Variants in ZSCAN5A observed in about 807,000 individuals in gnomAD.
ZSCAN5A encodes zinc finger and SCAN domain-containing protein 5A.
Under a neutral mutation model 23.7 loss-of-function variants are expected in ZSCAN5A, and 12 were observed. That is an observed-to-expected ratio of 0.51 (90% CI 0.32 to 0.82). The LOEUF (loss-of-function observed/expected upper bound fraction) is 0.82, where lower values mean the gene tolerates loss of function less well. Among genes scored for constraint, ZSCAN5A ranks in the 40% least tolerant of loss-of-function variants. The pLI is 0.03. For synonymous variants in ZSCAN5A, 257 were observed against 239.9 expected (o/e 1.07, Z -0.66); for missense variants, 597 against 617.9 (o/e 0.97, Z 0.36).
At position 56,228,373 on chromosome 19, in the gene ZSCAN5A, G is replaced by A. The variant is rs2034164428; in HGVS notation, c.-127-3200C>T. The A allele has an allele frequency of 4.1e-5, 40 of 985,278 alleles. 1 individual carries two copies. Among genetic ancestry groups the A allele is most frequent in the Non-Finnish European group, 4.8e-5 (40 of 829,916 alleles). The allele number at this position is 985,278 out of a possible 1,614,324, so 61.0% of individuals were successfully genotyped here. ...CCAGGCCGCGTTTCCGGTTCCCTGCGCCGCCCCGTGATTGGTTTAGGGCCA... is the reference window on the plus strand; with the variant it reads ...CCAGGCCGCGTTTCCGGTTCCCTGCACCGCCCCGTGATTGGTTTAGGGCCA... On this transcript the variant is annotated intron_variant, in intron 2 of 5. Coordinates refer to ENST00000683990, the MANE Select transcript of ZSCAN5A (RefSeq NM_001322064.3).
At chr19:56,222,365 C>T in intron 5 of ZSCAN5A, 39 bp from the exon 6 acceptor site, 1 of 1,599,416 alleles carries the variant, frequency 6.3e-7, no homozygotes, top group East Asian at 2.2e-5. Context: ...TAATAAAGCG[C>T]ATTTTCAATA....
chr19:56,328,313 ATTT>A (rs999019987), intron 2 of ZSCAN5A, among the ~76,000 whole-genome samples: 74 of 152,170 alleles, frequency 4.9e-4, no homozygotes, highest in African/African-American at 1.6e-3. Context: ...AAATTTTACT[ATTT>A]TATTATAAAA....
rs536245284 is a variant in ZSCAN5A at position 56,224,942 on chromosome 19, A to G, written c.105T>C (p.Asn35=). 5.6e-6 allele frequency: 9 copies of G among 1,614,164 alleles called. No individual in the cohort carries two copies. In the South Asian group the frequency reaches 9.9e-5, roughly 18 times the overall value. ...GAGAAATCTCAGGGTCCACGTCGTG[A>G]TTTCCAAGTTGAGTTTCTGAGGATG... is the stretch of plus-strand genomic sequence containing the variant. The part of the protein sequence containing the change: ...SMASSETQLG[N]HDVDPEISHV... The change falls in exon 3 of 6, where the codon AAT becomes AAC. Residue 35 remains asparagine, a synonymous_variant. Transcript: ENST00000683990.
Position 56,286,114 on chromosome 19 carries a change from C to T in ZSCAN5A, c.-128+27169G>A, listed in dbSNP as rs564564434. On this transcript the variant is annotated intron_variant, in intron 2 of 5. Coordinates refer to ENST00000683990, the MANE Select transcript of ZSCAN5A (RefSeq NM_001322064.3). ...TCAGCTCATTGCAACCTCCGCCTCC[C>T]GGGTTCAAGCGATTCTCCTGCCTCA... is the stretch of plus-strand genomic sequence containing the variant. Among the ~76,000 whole-genome samples, 522 of 152,218 alleles carry T rather than the reference C, an allele frequency of 3.4e-3. 3 individuals are homozygous for T. Among genetic ancestry groups the T allele is most frequent in the African/African-American group, 0.012 (483 of 41,522 alleles).
At chr19:56,334,177 A>G (rs1019556057) in intron 2 of ZSCAN5A, among the ~76,000 whole-genome samples, 2 of 152,318 alleles carry the variant, frequency 1.3e-5, no homozygotes, top group Admixed American at 6.5e-5. Flanking sequence ...GTGACTAGCC[A>G]TGGAGATCAG....
At chr19:56,224,501 A>T (rs112734217) in intron 3 of ZSCAN5A, 162 bp downstream of exon 3, 53,013 of 1,044,424 alleles carry the variant, frequency 0.051, 2,463 homozygotes, top group East Asian at 0.28. Flanking sequence ...CTGACAACAA[A>T]AACTGTCCCC....
intron 2 of ZSCAN5A, among the ~76,000 whole-genome samples, chr19:56,289,121 C>G (rs1174103030): frequency 6.6e-6 from 1 of 152,098 alleles, no homozygotes; most frequent in Non-Finnish European, 1.5e-5. Context: ...GGAAAGGGAG[C>G]CCTGGTTTGT....
chr19:56,364,325 A>G (rs143646882), intron 1 of ZSCAN5A, among the ~76,000 whole-genome samples: 215 of 152,362 alleles, frequency 1.4e-3, no homozygotes, highest in Middle Eastern at 0.01. Context: ...AAAGTTGAGA[A>G]CTAAATAGGT....
At chr19:56,261,604 TGAGA>T (rs1214290479) in intron 2 of ZSCAN5A, among the ~76,000 whole-genome samples, 4 of 151,104 alleles carry the variant, frequency 2.6e-5, no homozygotes, top group Admixed American at 6.6e-5. Context: ...AGGAGCAAAT[TGAGA>T]GAGAGAGGGA....
chr19:56,312,919 T>C (rs1161187929), intron 2 of ZSCAN5A, among the ~76,000 whole-genome samples: 1 of 152,210 alleles, frequency 6.6e-6, no homozygotes, highest in Non-Finnish European at 1.5e-5. Flanking sequence ...CCTGCAACCA[T>C]AGTTCAGGCA....
At chr19:56,285,316 C>G (rs545500268) in intron 2 of ZSCAN5A, among the ~76,000 whole-genome samples, 2 of 152,348 alleles carry the variant, frequency 1.3e-5, no homozygotes, top group South Asian at 4.1e-4. Context: ...AAATCATTCT[C>G]TTCACCACAT....
intron 2 of ZSCAN5A, among the ~76,000 whole-genome samples, chr19:56,354,113 G>A (rs1349619349): frequency 5.3e-5 from 8 of 152,310 alleles, no homozygotes; most frequent in Admixed American, 3.9e-4. Context: ...AAAGTAGTGT[G>A]GTGGTTGCGA....
At chr19:56,337,805 T>C (rs1233988988) in intron 2 of ZSCAN5A, among the ~76,000 whole-genome samples, 3 of 152,234 alleles carry the variant, frequency 2.0e-5, no homozygotes, top group African/African-American at 7.2e-5. Context: ...CCTTAACAGG[T>C]GTGAAGTTTA....
In ZSCAN5A at chr19:56,256,324, CT is replaced by C. The variant is rs375240637; in HGVS notation, c.-127-31152del. ...CCTCCCTCCTCGGCCTCCTGAGTAG[CT>C]GGGATTATGGGTGCACACCACCACA... is the stretch of plus-strand genomic sequence containing the variant. On this transcript the variant is annotated intron_variant, in intron 2 of 5. Coordinates refer to ENST00000683990, the MANE Select transcript of ZSCAN5A (RefSeq NM_001322064.3). Among the ~76,000 whole-genome samples, 13 of 152,228 alleles carry C rather than the reference CT, an allele frequency of 8.5e-5. 1 individual carries two copies. In the South Asian group the frequency reaches 1.7e-3, roughly 20 times the overall value.
In ZSCAN5A at chr19:56,352,252, T is replaced by C. The variant is rs949821869; in HGVS notation, c.-358+10983A>G. 6.6e-6 allele frequency among the ~76,000 whole-genome samples: 1 copy of C among 151,984 alleles called. No individual in the cohort carries two copies. Among genetic ancestry groups the C allele is most frequent in the Non-Finnish European group, 1.5e-5 (1 of 67,968 alleles). Reference sequence around the variant, plus strand: ...AAGTAGCTGGGACTACAGGCGCCGATAGTGTGGTGTTTTAACAAAGCTTCT... The same window carrying C: ...AAGTAGCTGGGACTACAGGCGCCGACAGTGTGGTGTTTTAACAAAGCTTCT... On this transcript the variant is annotated intron_variant, in intron 2 of 6. Transcript: ENST00000587340. This position sits in a 1 kb window ranked among gnomAD's most constrained non-coding sequence, Gnocchi z 4.2.
intron 2 of ZSCAN5A, chr19:56,342,677 C>A (rs920032977): frequency 5.1e-6 from 3 of 584,382 alleles, no homozygotes; most frequent in Non-Finnish European, 9.6e-6. Flanking sequence ...GGAGTCCCCA[C>A]GGGTGAACAT....
chr19:56,261,301 C>T (rs933956340), intron 2 of ZSCAN5A, among the ~76,000 whole-genome samples: 1 of 152,092 alleles, frequency 6.6e-6, no homozygotes, highest in African/African-American at 2.4e-5. Flanking sequence ...ATGTTGTCTA[C>T]AGGATATGGT....
At position 56,352,192 on chromosome 19, in the gene ZSCAN5A, C is replaced by G. The variant is rs868316644; in HGVS notation, c.-358+11043G>C. ...TCTCAGCTCACTGCAAGCTCCGCCTCCTGGATTCACGCCATTCTCCTGCCT... is the reference window on the plus strand; with the variant it reads ...TCTCAGCTCACTGCAAGCTCCGCCTGCTGGATTCACGCCATTCTCCTGCCT... On this transcript the variant is annotated intron_variant, in intron 2 of 6. Coordinates refer to the ZSCAN5A transcript ENST00000587340. This position sits in a 1 kb window ranked among gnomAD's most constrained non-coding sequence, Gnocchi z 4.2. Among the ~76,000 whole-genome samples the G allele has an allele frequency of 1.3e-5, 2 of 152,124 alleles. No individual in the cohort carries two copies. Among genetic ancestry groups the G allele is most frequent in the South Asian group, 4.1e-4 (2 of 4,832 alleles).
intron 2 of ZSCAN5A, among the ~76,000 whole-genome samples, chr19:56,271,906 G>C (rs1233540933): frequency 6.6e-6 from 1 of 152,194 alleles, no homozygotes; most frequent in Non-Finnish European, 1.5e-5. Context: ...GACTGTCAAA[G>C]CAATTTCTAA....
Sources: gnomAD v4.1 joint callset for allele counts (sites outside exome capture counted in the v4.1 genomes callset) on GRCh38, gnomAD v4.1.1 for gene constraint, Gnocchi (gnomAD v3.1) non-coding constraint, MANE v1.5 for transcripts, NCBI Gene and HGNC (gene_info 2026-07-23, HGNC 2026-07-21) for gene names.